The following NRG1 variants were observed in gnomAD, a reference collection of about 807,000 sequenced individuals.
NRG1 encodes the protein pro-neuregulin-1, membrane-bound isoform.
In NRG1, 18 loss-of-function variants were observed where a neutral mutation model predicts 63.8. The ratio of observed to expected loss-of-function variants is 0.28; its 90% confidence interval spans 0.19 to 0.42. The LOEUF is 0.42. Among genes scored for constraint, NRG1 ranks in the 10% least tolerant of loss-of-function variants. The pLI is 1.00. For missense variants in NRG1, 762 were observed against 814.7 expected, an observed-to-expected ratio of 0.94 and a Z score of 0.79; for synonymous variants, 302 against 301.3, an observed-to-expected ratio of 1.00 and a Z score of -0.02.
At chr8:32,723,880 C>A (rs1452338123) in intron 5 of NRG1, among the ~76,000 whole-genome samples, 2 of 151,890 alleles carry the variant, frequency 1.3e-5, no homozygotes, top group Admixed American at 1.3e-4. Flanking sequence ...ATTTTTGGAA[C>A]CTCTAAATGA....
intron 1 of NRG1, among the ~76,000 whole-genome samples, chr8:32,122,746 G>T (rs909215895): frequency 7.9e-5 from 12 of 151,676 alleles, no homozygotes; most frequent in African/African-American, 2.9e-4. Flanking sequence ...TTAGCATTAG[G>T]TATATCTCCC....
intron 1 of NRG1, among the ~76,000 whole-genome samples, chr8:31,950,604 G>A (rs751506009): frequency 1.9e-4 from 29 of 152,152 alleles, no homozygotes; most frequent in Non-Finnish European, 3.4e-4. Context: ...CAACTAGTCG[G>A]CTTCTCTAAT....
intron 6 of NRG1, among the ~76,000 whole-genome samples, chr8:32,737,703 G>C: frequency 7.3e-6 from 1 of 137,070 alleles, no homozygotes. Context: ...TTGAGATGGA[G>C]TCTCGTTCTG....
intron 1 of NRG1, among the ~76,000 whole-genome samples, chr8:31,915,340 A>G (rs969069466): frequency 1.3e-5 from 2 of 152,148 alleles, no homozygotes; most frequent in Non-Finnish European, 2.9e-5. Context: ...TGCTGACAGA[A>G]CTATATAAAA....
At chr8:32,283,515 A>C (rs1260436157) in intron 1 of NRG1, among the ~76,000 whole-genome samples, 1 of 152,196 alleles carries the variant, frequency 6.6e-6, no homozygotes, top group East Asian at 1.9e-4. Flanking sequence ...ATGAAACCCA[A>C]CTATATAGTA....
intron 1 of NRG1, among the ~76,000 whole-genome samples, chr8:31,708,879 G>A (rs1433782810): frequency 6.6e-6 from 1 of 152,150 alleles, no homozygotes; most frequent in Non-Finnish European, 1.5e-5. Context: ...CCCCAGTGCT[G>A]TTGAAAATCT....
chr8:31,899,791 G>A (rs1041011186), intron 1 of NRG1, among the ~76,000 whole-genome samples: 1 of 152,140 alleles, frequency 6.6e-6, no homozygotes, highest in African/African-American at 2.4e-5. Context: ...AAAATGTGTT[G>A]TTTTAAAATT....
At chr8:32,525,037 T>C (rs1830689072) in intron 1 of NRG1, among the ~76,000 whole-genome samples, 1 of 152,226 alleles carries the variant, frequency 6.6e-6, no homozygotes, top group South Asian at 2.1e-4. Context: ...TATGCCGATT[T>C]ACCGCTGAAA....
At chr8:32,555,221 A>G (rs1200868167) in intron 1 of NRG1, among the ~76,000 whole-genome samples, 1 of 152,042 alleles carries the variant, frequency 6.6e-6, no homozygotes, top group Non-Finnish European at 1.5e-5. Context: ...GCTCCCTCCC[A>G]CTGAAGTGCA....
chr8:32,052,638 G>A (rs1563729197), intron 1 of NRG1, among the ~76,000 whole-genome samples: 2 of 152,056 alleles, frequency 1.3e-5, no homozygotes, highest in African/African-American at 2.4e-5. Context: ...TTGTGAGTGG[G>A]CAAACAAAAT....
At chr8:32,638,866 G>A (rs376238628) in intron 5 of NRG1, among the ~76,000 whole-genome samples, 4 of 152,110 alleles carry the variant, frequency 2.6e-5, no homozygotes, top group East Asian at 1.9e-4. Flanking sequence ...AATGGGATAC[G>A]TCTGCTTCCA....
intron 1 of NRG1, among the ~76,000 whole-genome samples, chr8:32,186,539 A>G (rs1841992091): frequency 6.6e-6 from 1 of 152,150 alleles, no homozygotes; most frequent in African/African-American, 2.4e-5. Flanking sequence ...AGGGTCATGA[A>G]TTTCAACACA....
At chr8:32,476,526 A>C (rs1235650333) in intron 1 of NRG1, among the ~76,000 whole-genome samples, 1 of 152,210 alleles carries the variant, frequency 6.6e-6, no homozygotes, top group Admixed American at 6.5e-5. Context: ...ATAATCTTTT[A>C]TGGGTGGGGA....
At chr8:31,933,949 C>A (rs1835072208) in intron 1 of NRG1, among the ~76,000 whole-genome samples, 1 of 152,094 alleles carries the variant, frequency 6.6e-6, no homozygotes, top group Non-Finnish European at 1.5e-5. Flanking sequence ...TGCCTGAGTG[C>A]ATGCAGCTAA....
intron 1 of NRG1, among the ~76,000 whole-genome samples, chr8:32,057,843 T>C (rs1823212729): frequency 6.6e-6 from 1 of 152,162 alleles, no homozygotes; most frequent in Non-Finnish European, 1.5e-5. Context: ...TTTGTCCTTC[T>C]TTTAATGAAT....
At chr8:32,195,973 T>C (rs544773729) in intron 1 of NRG1, among the ~76,000 whole-genome samples, 1 of 152,306 alleles carries the variant, frequency 6.6e-6, no homozygotes, top group South Asian at 2.1e-4. Context: ...AAAGTAATTG[T>C]GATTTTTGCC....
chr8:31,650,948 T>G (rs1804779774), intron 1 of NRG1, among the ~76,000 whole-genome samples: 1 of 152,176 alleles, frequency 6.6e-6, no homozygotes, highest in Non-Finnish European at 1.5e-5. Flanking sequence ...AACGAGAAGG[T>G]AAAATGCTTT....
intron 1 of NRG1, among the ~76,000 whole-genome samples, chr8:31,806,488 T>TA (rs952025299): frequency 1.1e-4 from 17 of 152,064 alleles, no homozygotes; most frequent in South Asian, 2.1e-4. Flanking sequence ...AATGTGAAAT[T>TA]AAAAAAAACT....
intron 1 of NRG1, among the ~76,000 whole-genome samples, chr8:32,059,707 C>T (rs1369145112): frequency 6.6e-6 from 1 of 151,984 alleles, no homozygotes; most frequent in Non-Finnish European, 1.5e-5. Context: ...TAGGTATTTA[C>T]ATGTTTTCGA....
Sources: gnomAD v4.1 joint callset for allele counts (sites outside exome capture counted in the v4.1 genomes callset) on GRCh38, gnomAD v4.1.1 for gene constraint, MANE v1.5 for transcripts, NCBI Gene and HGNC (gene_info 2026-07-23, HGNC 2026-07-21) for gene names.